Variants in IGF1R observed in about 807,000 individuals in gnomAD.
IGF1R encodes the protein insulin-like growth factor 1 receptor.
In IGF1R, 44 loss-of-function variants were observed where a neutral mutation model predicts 144.6. That is an observed-to-expected ratio of 0.30 (90% CI 0.24 to 0.39). The LOEUF (loss-of-function observed/expected upper bound fraction) is 0.39, where lower values mean the gene tolerates loss of function less well. Ranked by LOEUF, IGF1R falls within the 10% of genes least tolerant of loss-of-function variation. The pLI, the probability that IGF1R is intolerant of heterozygous loss-of-function variation, is 1.00. For missense variants in IGF1R, 1,355 were observed against 1,833.7 expected (o/e 0.74, Z 4.77); for synonymous variants, 795 against 722.8 (o/e 1.10, Z -1.60).
chr15:98,718,429 A>T (rs1261544492), intron 2 of IGF1R, among the ~76,000 whole-genome samples: 1 of 152,192 alleles, frequency 6.6e-6, no homozygotes, highest in African/African-American at 2.4e-5. Flanking sequence ...AGGGACCTGG[A>T]TGAAGTTAGT....
At position 98,728,015 on chromosome 15, in the gene IGF1R, T is replaced by TTTTG. The variant is rs1555436622; in HGVS notation, c.640+19911_640+19912insGTTT. Among the ~76,000 whole-genome samples the TTTTG allele has an allele frequency of 2.0e-5, 3 of 150,112 alleles. No homozygotes were observed. The East Asian group carries it at 5.9e-4, about 29-fold the overall frequency. On this transcript the variant is annotated intron_variant, in intron 2 of 20. Coordinates refer to ENST00000650285, the MANE Select transcript of IGF1R (RefSeq NM_000875.5). ...CTCACTGAAGATGCATTGTTTTTTT[T>TTTTG]TTTTTTTTTTTTTTAAGCGAGCAGC...
intron 2 of IGF1R, among the ~76,000 whole-genome samples, chr15:98,860,335 G>A (rs751438457): frequency 1.3e-5 from 2 of 152,224 alleles, no homozygotes; most frequent in Non-Finnish European, 2.9e-5. Context: ...TGGATCTTGA[G>A]TATCTCAGCT....
chr15:98,779,899 G>A (rs777796608), intron 2 of IGF1R, among the ~76,000 whole-genome samples: 6 of 152,156 alleles, frequency 3.9e-5, no homozygotes, highest in Admixed American at 1.3e-4. Context: ...CTCCAGGCTC[G>A]GAGGGCAAGT....
At chr15:98,878,869 G>A (rs2013220487) in intron 2 of IGF1R, among the ~76,000 whole-genome samples, 1 of 151,880 alleles carries the variant, frequency 6.6e-6, no homozygotes, top group Non-Finnish European at 1.5e-5. Context: ...GGTGGTGGGC[G>A]CCTATAATCC....
chr15:98,908,034 C>G (rs1016790237), intron 5 of IGF1R, among the ~76,000 whole-genome samples: 2 of 152,254 alleles, frequency 1.3e-5, no homozygotes, highest in Non-Finnish European at 2.9e-5. Flanking sequence ...TGGAGAACCA[C>G]TGTGTTGGAC....
At chr15:98,693,478 G>C (rs576663613) in intron 1 of IGF1R, among the ~76,000 whole-genome samples, 1 of 152,202 alleles carries the variant, frequency 6.6e-6, no homozygotes, top group African/African-American at 2.4e-5. Flanking sequence ...TGCAGAGGAC[G>C]CTGTAGACTT....
chr15:98,895,214 A>T (rs2014122946), intron 3 of IGF1R, among the ~76,000 whole-genome samples: 1 of 137,390 alleles, frequency 7.3e-6, no homozygotes, highest in Non-Finnish European at 1.5e-5. Context: ...GTGATCAGTG[A>T]CACAGCACCA....
intron 2 of IGF1R, among the ~76,000 whole-genome samples, chr15:98,765,643 A>G (rs1291822432): frequency 6.6e-6 from 1 of 152,154 alleles, no homozygotes; most frequent in Non-Finnish European, 1.5e-5. Context: ...ATAATTATTT[A>G]GAAGTATGTT....
intron 1 of IGF1R, among the ~76,000 whole-genome samples, chr15:98,700,628 C>G (rs1402187488): frequency 6.6e-6 from 1 of 152,218 alleles, no homozygotes; most frequent in East Asian, 1.9e-4. Flanking sequence ...CTCCCACACA[C>G]TTGTCTCAGT....
chr15:98,771,496 A>G (rs1204746072), intron 2 of IGF1R, among the ~76,000 whole-genome samples: 1 of 152,188 alleles, frequency 6.6e-6, no homozygotes, highest in East Asian at 1.9e-4. Flanking sequence ...GGACCTGCAC[A>G]AGGCTTTAGT....
intron 2 of IGF1R, among the ~76,000 whole-genome samples, chr15:98,746,577 A>C (rs1165933618): frequency 6.6e-6 from 1 of 151,738 alleles, no homozygotes; most frequent in African/African-American, 2.4e-5. Context: ...GTGCTTCTAA[A>C]ATCATCTACA....
intron 2 of IGF1R, among the ~76,000 whole-genome samples, chr15:98,736,063 T>C (rs935622753): frequency 3.3e-5 from 5 of 152,240 alleles, no homozygotes; most frequent in African/African-American, 1.2e-4. Context: ...ATCCATTTCA[T>C]TGATGTATCA....
chr15:98,872,483 A>C (rs893914560), intron 2 of IGF1R, among the ~76,000 whole-genome samples: 23 of 152,238 alleles, frequency 1.5e-4, no homozygotes, highest in African/African-American at 5.5e-4. Context: ...AGCAGGCAGA[A>C]TTAGCAGAGT....
intron 4 of IGF1R, 58 bp from the exon 5 acceptor site, chr15:98,899,419 A>G: frequency 6.4e-7 from 1 of 1,570,452 alleles, no homozygotes; most frequent in East Asian, 2.2e-5. Context: ...GTAAGAATCC[A>G]AGTATGTCAC....
chr15:98,650,840 T>C (rs1056280192), intron 1 of IGF1R: 1 of 913,132 alleles, frequency 1.1e-6, no homozygotes, highest in Non-Finnish European at 1.3e-6. Flanking sequence ...CCACATTCGC[T>C]GTCTTTTGCA....
chr15:98,672,569 CAAAAAAAAAA>C (rs60559912), intron 1 of IGF1R, among the ~76,000 whole-genome samples: 6 of 61,654 alleles, frequency 9.7e-5, no homozygotes, highest in Non-Finnish European at 1.9e-4. Flanking sequence ...GACTCCATCT[CAAAAAAAAAA>C]AAAAAAAAAA....
At chr15:98,726,221 T>C (rs2054356520) in intron 2 of IGF1R, among the ~76,000 whole-genome samples, 1 of 152,228 alleles carries the variant, frequency 6.6e-6, no homozygotes, top group African/African-American at 2.4e-5. Context: ...TTGTGCAAGG[T>C]GCCATGCAGC....
chr15:98,928,856 A>G (rs2015829372), intron 13 of IGF1R, among the ~76,000 whole-genome samples: 1 of 152,066 alleles, frequency 6.6e-6, no homozygotes, highest in Non-Finnish European at 1.5e-5. Flanking sequence ...TTAGACTTGT[A>G]GCAGGACTCA....
At chr15:98,842,989 G>A (rs972103331) in intron 2 of IGF1R, among the ~76,000 whole-genome samples, 7 of 152,178 alleles carry the variant, frequency 4.6e-5, no homozygotes, top group Admixed American at 4.6e-4. Context: ...CGTGGTGAAT[G>A]GGATGTAAAG....
Sources: gnomAD v4.1 joint callset for allele counts (sites outside exome capture counted in the v4.1 genomes callset) on GRCh38, gnomAD v4.1.1 for gene constraint, MANE v1.5 for transcripts, NCBI Gene and HGNC (gene_info 2026-07-23, HGNC 2026-07-21) for gene names.